DNAJC15: variants seen among roughly 807,000 people sequenced by gnomAD.
DNAJC15 encodes DnaJ heat shock protein family (Hsp40) member C15, also known as dnaJ homolog subfamily C member 15.
In DNAJC15, 27 loss-of-function variants were observed where a neutral mutation model predicts 22.4. That is an observed-to-expected ratio of 1.20 (90% CI 0.89 to 1.66). The LOEUF is 1.66. Ranked by LOEUF, DNAJC15 falls within the 40% of genes most tolerant of loss-of-function variation. The pLI is 0.00. For missense variants in DNAJC15, 208 were observed against 187.1 expected (o/e 1.11, Z -0.65); for synonymous variants, 79 against 63.2 (o/e 1.25, Z -1.19).
intron 3 of DNAJC15, among the ~76,000 whole-genome samples, chr13:43,076,553 TTA>T (rs375115153): frequency 1.3e-4 from 20 of 152,336 alleles, no homozygotes; most frequent in African/African-American, 3.6e-4. Context: ...AACTTTAAAG[TTA>T]TATGCTTTCA....
In DNAJC15 at chr13:43,065,749, A is replaced by G. The variant is rs1566208340; in HGVS notation, c.160+12A>G. On this transcript the variant is annotated intron_variant, in intron 2 of 5. Transcript: ENST00000379221. Reference sequence around the variant, plus strand: ...TCTTGCATTTGCAGGTAAGATAAAGAATACATACCAATAAATTGCAGGAGA... The same window carrying G: ...TCTTGCATTTGCAGGTAAGATAAAGGATACATACCAATAAATTGCAGGAGA... 3.1e-6 allele frequency: 5 copies of G among 1,611,394 alleles called. No individual in the cohort carries two copies. Among genetic ancestry groups the G allele is most frequent in the Non-Finnish European group, 3.4e-6 (4 of 1,178,190 alleles).
chr13:43,107,551 ACACACG>A lies in DNAJC15; in HGVS notation c.*304_*309del, dbSNP rs778963550. The A allele has an allele frequency of 9.5e-5, 16 of 168,440 alleles. No individual in the cohort carries two copies. Among genetic ancestry groups the A allele is most frequent in the African/African-American group, 4.0e-4 (16 of 40,148 alleles). The allele number at this position is 168,440 out of a possible 1,614,324, so 10.4% of individuals were successfully genotyped here. A position where few individuals can be genotyped will look rare whatever the true frequency, so the allele number is the denominator to read the frequency against. Reference sequence around the variant, plus strand: ...CACACACACACACACACACACACACACACACGTGCAAAAAATATGATCAAGAATGCA... The same window carrying A: ...CACACACACACACACACACACACACATGCAAAAAATATGATCAAGAATGCA... On this transcript the variant is annotated 3_prime_UTR_variant, in exon 6 of 6. Coordinates refer to ENST00000379221, the MANE Select transcript of DNAJC15 (RefSeq NM_013238.3).
intron 5 of DNAJC15, among the ~76,000 whole-genome samples, chr13:43,105,430 C>A (rs1273369160): frequency 6.6e-6 from 1 of 152,158 alleles, no homozygotes; most frequent in Non-Finnish European, 1.5e-5. Context: ...ACTTTTCCAA[C>A]TATTTAGAGG....
Position 43,085,762 on chromosome 13 carries a change from T to C in DNAJC15, c.312-6T>C, listed in dbSNP as rs2040684903. The stretch of plus-strand genomic sequence containing the variant: ...TTATTATAAGCACTGTAATTTCTTT[T>C]TACAGCCCATCTGCTGGCAAGGCTA... On this transcript the variant is annotated splice_polypyrimidine_tract_variant and splice_region_variant and intron_variant, in intron 4 of 5. Transcript: ENST00000379221. 3 of 1,610,650 alleles carry C rather than the reference T, an allele frequency of 1.9e-6. No individual in the cohort carries two copies. The African/African-American group carries it at 4.0e-5, about 22-fold the overall frequency.
At chr13:43,087,186 G>A (rs1218882018) in intron 5 of DNAJC15, among the ~76,000 whole-genome samples, 5 of 152,094 alleles carry the variant, frequency 3.3e-5, no homozygotes, top group Admixed American at 2.0e-4. Flanking sequence ...TAATGTTTTT[G>A]GATTATTGTT....
At chr13:43,050,987 T>G (rs1566204350) in intron 1 of DNAJC15, among the ~76,000 whole-genome samples, 2 of 152,154 alleles carry the variant, frequency 1.3e-5, no homozygotes, top group Non-Finnish European at 2.9e-5. Context: ...TTTATTTATT[T>G]TTTTGAGACT....
chr13:43,092,885 A>G (rs1368760058), intron 5 of DNAJC15, among the ~76,000 whole-genome samples: 1 of 152,188 alleles, frequency 6.6e-6, no homozygotes, highest in East Asian at 1.9e-4. Context: ...CTGTACTCCA[A>G]CATAGGTGAC....
intron 3 of DNAJC15, among the ~76,000 whole-genome samples, chr13:43,073,863 G>GTT (rs149680947): frequency 7.0e-6 from 1 of 142,708 alleles, no homozygotes; most frequent in Non-Finnish European, 1.5e-5. Context: ...TTGTTTTTTT[G>GTT]TTTTTTTTTT....
Position 43,038,287 on chromosome 13 carries a change from A to G in DNAJC15, c.108+14553A>G, listed in dbSNP as rs1211988614. On this transcript the variant is annotated intron_variant, in intron 1 of 5. Transcript: ENST00000379221. ...CTAGCATCAGCCATCAGTTCAGGAG[A>G]TTGTTCATTGAACCATTCTTTTGAC... Among the ~76,000 whole-genome samples the G allele has an allele frequency of 1.3e-5, 2 of 152,208 alleles. 1 individual carries two copies. Among genetic ancestry groups the G allele is most frequent in the Non-Finnish European group, 2.9e-5 (2 of 68,034 alleles).
At chr13:43,060,686 A>T (rs1211697186) in intron 1 of DNAJC15, among the ~76,000 whole-genome samples, 1 of 152,218 alleles carries the variant, frequency 6.6e-6, no homozygotes, top group Non-Finnish European at 1.5e-5. Flanking sequence ...TTGAAGAAGG[A>T]TTAGAAACGT....
At chr13:43,058,020 T>G (rs901766170) in intron 1 of DNAJC15, among the ~76,000 whole-genome samples, 13 of 151,804 alleles carry the variant, frequency 8.6e-5, no homozygotes, top group Admixed American at 8.5e-4. Context: ...GGGAGTGAAG[T>G]GGACTCTTTG....
chr13:43,026,285 A>G (rs1369402440), intron 1 of DNAJC15, among the ~76,000 whole-genome samples: 1 of 152,242 alleles, frequency 6.6e-6, no homozygotes, highest in Non-Finnish European at 1.5e-5. Context: ...TAAGATTATC[A>G]TAAACTTTTC....
In DNAJC15 at chr13:43,078,703, TAAGTA is replaced by T. The variant is rs764331358; in HGVS notation, c.311+16_311+20del. ...TTAGGTGTAAGGTAGGTGTGCAGCA[TAAGTA>T]TTGTTTTGTTGTGTGGCCAAGCTTG... On this transcript the variant is annotated intron_variant, in intron 4 of 5. Coordinates refer to ENST00000379221, the MANE Select transcript of DNAJC15 (RefSeq NM_013238.3). The T allele has an allele frequency of 3.1e-6, 5 of 1,610,392 alleles. No homozygotes were observed. Among genetic ancestry groups the T allele is most frequent in the Non-Finnish European group, 4.2e-6 (5 of 1,177,400 alleles).
intron 4 of DNAJC15, among the ~76,000 whole-genome samples, chr13:43,079,516 T>C (rs780016318): frequency 6.6e-6 from 1 of 152,158 alleles, no homozygotes; most frequent in Non-Finnish European, 1.5e-5. Flanking sequence ...AGATCTCATC[T>C]CTTCTTAGAT....
chr13:43,099,924 T>C (rs968662830), intron 5 of DNAJC15, among the ~76,000 whole-genome samples: 13 of 152,148 alleles, frequency 8.5e-5, no homozygotes, highest in Admixed American at 3.3e-4. Flanking sequence ...GGTTTTGGTG[T>C]GAAGATAATA....
At chr13:43,051,655 GTGTGTGTA>G (rs1475068771) in intron 1 of DNAJC15, among the ~76,000 whole-genome samples, 4 of 92,710 alleles carry the variant, frequency 4.3e-5, no homozygotes, top group South Asian at 5.8e-4. Context: ...GTGTGTGTGT[GTGTGTGTA>G]TATATATCAC....
intron 1 of DNAJC15, among the ~76,000 whole-genome samples, chr13:43,054,716 T>G (rs2040521277): frequency 6.6e-6 from 1 of 152,218 alleles, no homozygotes; most frequent in Non-Finnish European, 1.5e-5. Flanking sequence ...TACTCTTGAA[T>G]GATCTTTTTA....
At chr13:43,038,568 A>G (rs962882609) in intron 1 of DNAJC15, among the ~76,000 whole-genome samples, 7 of 152,262 alleles carry the variant, frequency 4.6e-5, no homozygotes, top group African/African-American at 7.2e-5. Flanking sequence ...CAAGGCGGGC[A>G]GATCACGAGG....
chr13:43,055,279 G>T (rs1278556305), intron 1 of DNAJC15, among the ~76,000 whole-genome samples: 10 of 151,518 alleles, frequency 6.6e-5, no homozygotes, highest in Admixed American at 6.6e-4. Context: ...TAGCACACCT[G>T]GTCCCAACTA....
Sources: gnomAD v4.1 joint callset for allele counts (sites outside exome capture counted in the v4.1 genomes callset) on GRCh38, gnomAD v4.1.1 for gene constraint, MANE v1.5 for transcripts, NCBI Gene and HGNC (gene_info 2026-07-23, HGNC 2026-07-21) for gene names.